The following PPFIA2 variants were observed in gnomAD, a reference collection of about 807,000 sequenced individuals.
The protein encoded by PPFIA2 is liprin-alpha-2.
PPFIA2 carries 46 observed loss-of-function variants against 175.5 expected under a neutral mutation model. That is an observed-to-expected ratio of 0.26 (90% CI 0.21 to 0.34). The LOEUF is 0.34. PPFIA2 is among the 10% of genes least tolerant of loss of function. The pLI, the probability that PPFIA2 is intolerant of heterozygous loss-of-function variation, is 1.00. For synonymous variants in PPFIA2, 568 were observed against 511.4 expected (o/e 1.11, Z -1.49); for missense variants, 1,179 against 1,506.1 (o/e 0.78, Z 3.60).
intron 7 of PPFIA2, among the ~76,000 whole-genome samples, chr12:81,416,742 G>A (rs889049235): frequency 6.6e-6 from 1 of 151,602 alleles, no homozygotes; most frequent in Admixed American, 6.6e-5. Context: ...TGCTAACTTG[G>A]TTTAGTTTCA....
At chr12:81,399,933 CA>C (rs2041846435) in intron 8 of PPFIA2, among the ~76,000 whole-genome samples, 1 of 152,032 alleles carries the variant, frequency 6.6e-6, no homozygotes, top group African/African-American at 2.4e-5. Flanking sequence ...CTACAGTTGA[CA>C]AGACTGAATC....
At chr12:81,703,632 C>T (rs1370376251) in intron 3 of PPFIA2, among the ~76,000 whole-genome samples, 1 of 152,078 alleles carries the variant, frequency 6.6e-6, no homozygotes, top group Non-Finnish European at 1.5e-5. Flanking sequence ...CTTCATTACT[C>T]CATACTTTTG....
intron 4 of PPFIA2, among the ~76,000 whole-genome samples, chr12:81,660,044 T>A (rs2068528660): frequency 6.6e-6 from 1 of 152,154 alleles, no homozygotes; most frequent in Admixed American, 6.5e-5. Context: ...AAACCCCATC[T>A]GTACATCACC....
chr12:81,362,774 G>T lies in PPFIA2; in HGVS notation c.1556C>A (p.Ala519Glu). 1 of 1,542,774 alleles carries T rather than the reference G, an allele frequency of 6.5e-7. No individual in the cohort carries two copies. The highest frequency in any genetic ancestry group is 8.8e-7 in the Non-Finnish European group (1 of 1,140,700). Residue 519 changes from alanine (A) to glutamate (E), a missense_variant, in exon 15 of 33, where the codon GCA (alanine) becomes GAA (glutamate). Ala to Glu is a moderately radical substitution (Grantham distance 107). This residue lies in a region of PPFIA2 where 186 missense variants were observed against 163.6 expected (regional missense o/e 1.14). Transcript: ENST00000549396. ...AGATCTCAGCTTTTCAATTTCTTCTGCTAATCTTTCCTAAAAAATCAAAAC... is the reference window on the plus strand; with the variant it reads ...AGATCTCAGCTTTTCAATTTCTTCTTCTAATCTTTCCTAAAAAATCAAAAC... ...EESLHDKERL[A>E]EEIEKLRSEL...
chr12:81,706,255 AT>A (rs1461225106), intron 3 of PPFIA2, among the ~76,000 whole-genome samples: 1 of 152,200 alleles, frequency 6.6e-6, no homozygotes, highest in Non-Finnish European at 1.5e-5. Context: ...GTTTAACACT[AT>A]GTACTGCATA....
At chr12:81,476,861 T>C (rs961745702) in intron 4 of PPFIA2, among the ~76,000 whole-genome samples, 2 of 152,172 alleles carry the variant, frequency 1.3e-5, no homozygotes, top group Non-Finnish European at 2.9e-5. Context: ...ATAAACACCA[T>C]GGAATAGTAT....
chr12:81,694,655 T>C (rs1265984332), intron 3 of PPFIA2, among the ~76,000 whole-genome samples: 1 of 152,002 alleles, frequency 6.6e-6, no homozygotes, highest in African/African-American at 2.4e-5. Context: ...AAAAGTTGGA[T>C]TGGAGCCCCC....
At chr12:81,409,874 T>G (rs1457509421) in intron 7 of PPFIA2, among the ~76,000 whole-genome samples, 1 of 152,070 alleles carries the variant, frequency 6.6e-6, no homozygotes, top group Admixed American at 6.6e-5. Flanking sequence ...ATGATCAGAT[T>G]AAGATAAAGA....
chr12:81,674,692 A>G (rs1172073986), intron 4 of PPFIA2, among the ~76,000 whole-genome samples: 1 of 152,048 alleles, frequency 6.6e-6, no homozygotes, highest in Non-Finnish European at 1.5e-5. Flanking sequence ...TAATTTTAAA[A>G]AGGAGAAAAT....
intron 7 of PPFIA2, 81 bp downstream of exon 7, chr12:81,439,891 A>T: frequency 1.8e-6 from 2 of 1,124,982 alleles, no homozygotes; most frequent in Admixed American, 2.2e-5. Context: ...TGTGACAGTT[A>T]TAATAAAAGT....
intron 24 of PPFIA2, chr12:81,292,771 T>C (rs1565953615): frequency 6.6e-6 from 1 of 152,098 alleles, no homozygotes. Context: ...ACTCCTATCT[T>C]ATTCAAGGGG....
chr12:81,402,074 T>A (rs2042178800), intron 8 of PPFIA2, among the ~76,000 whole-genome samples: 1 of 152,200 alleles, frequency 6.6e-6, no homozygotes, highest in African/African-American at 2.4e-5. Context: ...GAGTTCTCAA[T>A]CCACCGACAC....
chr12:81,271,103 T>A (rs2038964321), intron 28 of PPFIA2, among the ~76,000 whole-genome samples: 1 of 152,216 alleles, frequency 6.6e-6, no homozygotes, highest in Non-Finnish European at 1.5e-5. Flanking sequence ...CATTGTTTTT[T>A]AATCTGTCCT....
intron 4 of PPFIA2, chr12:81,512,213 TA>T (rs2061877106): frequency 1.3e-6 from 1 of 743,348 alleles, no homozygotes. Context: ...ATCCCTTACT[TA>T]AAGTCCCTTA....
chr12:81,353,133 G>A lies in PPFIA2; in HGVS notation c.1980C>T (p.Ile660=), dbSNP rs773606481. The A allele has an allele frequency of 6.2e-7, 1 of 1,613,506 alleles. No individual in the cohort carries two copies. The highest frequency in any genetic ancestry group is 1.3e-5 in the African/African-American group (1 of 74,890). ...AMMLQEQLDA[I]NKEIRLIQEE... ...ATTGAAGTTACCTGATTTCTTTGTT[G>A]ATGGCATCCAATTGTTCCTGAAGCA... Residue 660 remains isoleucine (I), a synonymous_variant, in exon 17 of 33, where the codon ATC becomes ATT. Coordinates refer to ENST00000549396, the MANE Select transcript of PPFIA2 (RefSeq NM_003625.5).
Position 81,369,123 on chromosome 12 carries a change from T to C in PPFIA2, c.1338A>G (p.Gln446=). The C allele has an allele frequency of 4.4e-6, 7 of 1,603,506 alleles. No individual in the cohort carries two copies. Among genetic ancestry groups the C allele is most frequent in the Non-Finnish European group, 5.1e-6 (6 of 1,172,230 alleles). Reference sequence around the variant, plus strand: ...TTAATATACATACTCTTTGAAGTTCTTGATTCTTCTCTTCAAGTTGACCCT... The same window carrying C: ...TTAATATACATACTCTTTGAAGTTCCTGATTCTTCTCTTCAAGTTGACCCT... The part of the protein sequence containing the change: ...HLEGQLEEKN[Q]ELQRARQREK... The change falls in exon 12 of 33, where the codon CAA becomes CAG. Residue 446 remains glutamine (Q), a synonymous_variant. Coordinates refer to ENST00000549396, the MANE Select transcript of PPFIA2 (RefSeq NM_003625.5).
Position 81,535,082 on chromosome 12 carries a change from A to C in PPFIA2, c.304-77216T>G, listed in dbSNP as rs141196647. 3.3e-5 allele frequency among the ~76,000 whole-genome samples: 5 copies of C among 151,838 alleles called. No homozygotes were observed. The East Asian group carries it at 7.8e-4, about 24-fold the overall frequency. On this transcript the variant is annotated intron_variant, in intron 4 of 32. Coordinates refer to ENST00000549396, the MANE Select transcript of PPFIA2 (RefSeq NM_003625.5). The stretch of plus-strand genomic sequence containing the variant: ...ATTTGAACTTATTGTTATAGCAAAG[A>C]TCTTCTTGGATTATAATGGTATATA...
intron 19 of PPFIA2, 80 bp from the exon 20 acceptor site, chr12:81,341,288 C>A: frequency 7.2e-7 from 1 of 1,397,646 alleles, no homozygotes; most frequent in Non-Finnish European, 9.8e-7. Context: ...ATCATGAGAA[C>A]AAGGCTGTCG....
intron 22 of PPFIA2, among the ~76,000 whole-genome samples, chr12:81,313,835 T>C (rs1443669258): frequency 6.6e-6 from 1 of 152,038 alleles, no homozygotes; most frequent in Non-Finnish European, 1.5e-5. Context: ...TGATTAAATT[T>C]GCACGTAGTG....
Sources: gnomAD v4.1 joint callset for allele counts (sites outside exome capture counted in the v4.1 genomes callset) on GRCh38, gnomAD v4.1.1 for gene constraint, gnomAD v4.1.1 regional missense constraint, MANE v1.5 for transcripts, NCBI Gene and HGNC (gene_info 2026-07-23, HGNC 2026-07-21) for gene names.